Variants in MGST1 observed in about 807,000 individuals in gnomAD.
The protein encoded by MGST1 is microsomal glutathione S-transferase 1, also known as glutathione S-transferase 12.
In MGST1, 5 loss-of-function variants were observed where a neutral mutation model predicts 8.9. The observed-to-expected ratio is 0.56, with a 90% CI of 0.29 to 1.19. MGST1 has a LOEUF of 1.19. Ranked by LOEUF, MGST1 falls within the 50% of genes most tolerant of loss-of-function variation. The pLI, the probability that MGST1 is intolerant of heterozygous loss-of-function variation, is 0.08. For synonymous variants in MGST1, 54 were observed against 67.8 expected (o/e 0.80, Z 1.00); for missense variants, 182 against 187.4 (o/e 0.97, Z 0.17).
chr12:16,505,131 G>A (rs1300747032), intron 4 of MGST1, among the ~76,000 whole-genome samples: 1 of 152,050 alleles, frequency 6.6e-6, no homozygotes, highest in Non-Finnish European at 1.5e-5. Flanking sequence ...ATCCCAGAGG[G>A]CAATCTCAAC....
At chr12:16,472,454 G>A (rs1033276791) in intron 4 of MGST1, among the ~76,000 whole-genome samples, 9 of 143,840 alleles carry the variant, frequency 6.3e-5, no homozygotes, top group Non-Finnish European at 1.2e-4. Flanking sequence ...TTTTTTTAAA[G>A]TCCTCTGTTG....
intron 4 of MGST1, among the ~76,000 whole-genome samples, chr12:16,483,267 G>A (rs907844277): frequency 1.3e-5 from 2 of 152,004 alleles, no homozygotes; most frequent in Admixed American, 6.5e-5. Context: ...CTCCTCAAAA[G>A]GGGAATAATT....
intron 1 of MGST1, among the ~76,000 whole-genome samples, chr12:16,431,573 A>G (rs558022089): frequency 6.6e-6 from 1 of 152,164 alleles, no homozygotes; most frequent in African/African-American, 2.4e-5. Context: ...TCACAGGTGG[A>G]GCAATCAGAA....
Position 16,401,892 on chromosome 12 carries a change from T to G in MGST1, n.778+18288T>G. 1 of 1,602,608 alleles carries G rather than the reference T, an allele frequency of 6.2e-7. No individual in the cohort carries two copies. The highest frequency in any genetic ancestry group is 8.6e-7 in the Non-Finnish European group (1 of 1,169,526). Reference sequence around the variant, plus strand: ...TTTCTTCATTAATTTGAGCTCCCCATCCTCCCTTACAGCGACTGTATATGC... The same window carrying G: ...TTTCTTCATTAATTTGAGCTCCCCAGCCTCCCTTACAGCGACTGTATATGC... On this transcript the variant is annotated intron_variant and non_coding_transcript_variant, in intron 1 of 1. Coordinates refer to the MGST1 transcript ENST00000359720. This position sits in a 1 kb window ranked among gnomAD's most constrained non-coding sequence, Gnocchi z 4.3.
chr12:16,488,866 C>T (rs1275223983), intron 4 of MGST1, among the ~76,000 whole-genome samples: 6 of 152,040 alleles, frequency 3.9e-5, no homozygotes, highest in East Asian at 1.9e-4. Context: ...TGAGCTGCTC[C>T]AAGAGGCTGA....
intron 4 of MGST1, among the ~76,000 whole-genome samples, chr12:16,577,564 T>C (rs568640855): frequency 5.3e-5 from 8 of 152,264 alleles, no homozygotes; most frequent in Admixed American, 5.2e-4. Context: ...TTGTATATAA[T>C]AAAACAAATA....
chr12:16,371,407 T>C (rs1940290636), intron 3 of MGST1, among the ~76,000 whole-genome samples: 1 of 152,196 alleles, frequency 6.6e-6, no homozygotes, highest in Non-Finnish European at 1.5e-5. Context: ...CCAAAGGAAA[T>C]TCTTTAACTT....
chr12:16,571,570 C>G (rs1029414652), intron 4 of MGST1, among the ~76,000 whole-genome samples: 1 of 151,986 alleles, frequency 6.6e-6, no homozygotes, highest in African/African-American at 2.4e-5. Flanking sequence ...AGTCTATATA[C>G]TCATGTTATC....
intron 4 of MGST1, among the ~76,000 whole-genome samples, chr12:16,505,370 T>A (rs1188891058): frequency 6.6e-6 from 1 of 152,222 alleles, no homozygotes; most frequent in African/African-American, 2.4e-5. Flanking sequence ...GCGATTAACA[T>A]GTCTAGCTGA....
chr12:16,565,983 CATATATATATAT>C (rs61358392), intron 4 of MGST1, among the ~76,000 whole-genome samples: 626 of 43,716 alleles, frequency 0.014, 21 homozygotes, highest in Middle Eastern at 0.022. Flanking sequence ...GAAAATGTGC[CATATATATATAT>C]ATATATATAT....
chr12:16,499,501 G>A, intron 4 of MGST1, among the ~76,000 whole-genome samples: 1 of 151,996 alleles, frequency 6.6e-6, no homozygotes, highest in Middle Eastern at 3.2e-3. Flanking sequence ...GTTTCAATCA[G>A]ATTTGGGGGA....
chr12:16,469,609 A>T (rs1941279987), intron 4 of MGST1, among the ~76,000 whole-genome samples: 1 of 152,212 alleles, frequency 6.6e-6, no homozygotes, highest in Non-Finnish European at 1.5e-5. Context: ...GTGGCTATTG[A>T]AGATGAGAGA....
intron 4 of MGST1, among the ~76,000 whole-genome samples, chr12:16,471,880 G>A (rs1026460188): frequency 6.6e-6 from 1 of 151,680 alleles, no homozygotes; most frequent in African/African-American, 2.4e-5. Context: ...GGTACTATGA[G>A]CAGAATACTT....
chr12:16,573,242 A>G (rs1008549327), intron 4 of MGST1, among the ~76,000 whole-genome samples: 2 of 152,166 alleles, frequency 1.3e-5, no homozygotes, highest in African/African-American at 2.4e-5. Flanking sequence ...GGGTTTAGAG[A>G]GAATATTGAA....
chr12:16,477,918 G>A (rs1017817230), intron 4 of MGST1, among the ~76,000 whole-genome samples: 2 of 152,122 alleles, frequency 1.3e-5, no homozygotes, highest in Non-Finnish European at 2.9e-5. Context: ...AAATGGAAAG[G>A]GTTCACAGTG....
rs568574569 is a variant in MGST1, at chr12:16,582,772, G to C, written n.483-6756G>C. Among the ~76,000 whole-genome samples, 80 of 152,272 alleles carry C rather than the reference G, an allele frequency of 5.3e-4. 1 individual carries two copies. The highest frequency in any genetic ancestry group is 1.9e-3 in the African/African-American group (77 of 41,562). Reference sequence around the variant, plus strand: ...CAGAAAAGAATCAGAACTAGGCCGGGCACGGTGGCCCATGCCTGTAATCCC... The same window carrying C: ...CAGAAAAGAATCAGAACTAGGCCGGCCACGGTGGCCCATGCCTGTAATCCC... On this transcript the variant is annotated intron_variant and non_coding_transcript_variant, in intron 4 of 4. Coordinates refer to the MGST1 transcript ENST00000538857. The surrounding 1 kb of genome is among the most constrained non-coding windows in gnomAD (Gnocchi z 4.1).
intron 1 of MGST1, among the ~76,000 whole-genome samples, chr12:16,350,413 G>A (rs188143408): frequency 6.6e-6 from 1 of 152,302 alleles, no homozygotes; most frequent in East Asian, 1.9e-4. Context: ...AACCAAATTA[G>A]TGTTTTTCCC....
At chr12:16,502,637 T>G (rs906734007) in intron 4 of MGST1, among the ~76,000 whole-genome samples, 1 of 152,154 alleles carries the variant, frequency 6.6e-6, no homozygotes, top group African/African-American at 2.4e-5. Flanking sequence ...GAATTTTAAG[T>G]ACGTATCAAA....
In MGST1 at chr12:16,555,117, C is replaced by G. The variant is rs1942146233; in HGVS notation, n.483-34411C>G. Among the ~76,000 whole-genome samples, 1 of 152,204 alleles carries G rather than the reference C, an allele frequency of 6.6e-6. No homozygotes were observed. The highest frequency in any genetic ancestry group is 1.5e-5 in the Non-Finnish European group (1 of 68,044). On this transcript the variant is annotated intron_variant and non_coding_transcript_variant, in intron 4 of 4. Transcript: ENST00000538857. This position sits in a 1 kb window ranked among gnomAD's most constrained non-coding sequence, Gnocchi z 5.5. Reference sequence around the variant, plus strand: ...ATTAAACGAATGAGTACATGTAAAACACTCAGAACGGTGTTTGGTGTTTGA... The same window carrying G: ...ATTAAACGAATGAGTACATGTAAAAGACTCAGAACGGTGTTTGGTGTTTGA...
Sources: allele counts gnomAD v4.1 joint callset (sites outside exome capture counted in the v4.1 genomes callset), GRCh38; gene constraint gnomAD v4.1.1; non-coding constraint Gnocchi (gnomAD v3.1); transcripts MANE v1.5; gene names NCBI Gene and HGNC (gene_info 2026-07-23, HGNC 2026-07-21).